Variants in ERC2 observed in about 807,000 individuals in gnomAD.
ERC2 encodes the protein ERC protein 2.
Under a neutral mutation model 114.8 loss-of-function variants are expected in ERC2, and 42 were observed. The ratio of observed to expected loss-of-function variants is 0.37; its 90% CI spans 0.29 to 0.47. The LOEUF is 0.47. ERC2 is among the 20% of genes least tolerant of loss of function. The pLI is 0.99. For missense variants in ERC2, 939 were observed against 1,150.7 expected, an observed-to-expected ratio of 0.82 and a Z score of 2.66; for synonymous variants, 454 against 425.5, an observed-to-expected ratio of 1.07 and a Z score of -0.82.
chr3:56,034,704 G>A (rs940907040), intron 7 of ERC2, among the ~76,000 whole-genome samples: 1 of 152,018 alleles, frequency 6.6e-6, no homozygotes, highest in Admixed American at 6.6e-5. Flanking sequence ...CAAATATGTG[G>A]AAATTACTCC....
intron 1 of ERC2, among the ~76,000 whole-genome samples, chr3:56,456,369 T>A (rs370741628): frequency 1.3e-5 from 2 of 152,348 alleles, no homozygotes; most frequent in East Asian, 1.9e-4. Flanking sequence ...GAAATCCAAT[T>A]TCTGTCTCTT....
At chr3:56,411,834 CA>C (rs2060952021) in intron 2 of ERC2, among the ~76,000 whole-genome samples, 1 of 152,092 alleles carries the variant, frequency 6.6e-6, no homozygotes, top group African/African-American at 2.4e-5. Flanking sequence ...CCAAACTGCC[CA>C]GGGGGCTTCA....
chr3:55,919,496 T>C (rs2065291044), intron 13 of ERC2, among the ~76,000 whole-genome samples: 2 of 152,138 alleles, frequency 1.3e-5, no homozygotes, highest in South Asian at 2.1e-4. Context: ...GAAATTAACA[T>C]GAATTGCCCA....
chr3:55,732,045 A>G (rs551592283), intron 15 of ERC2, among the ~76,000 whole-genome samples: 1 of 152,148 alleles, frequency 6.6e-6, no homozygotes, highest in African/African-American at 2.4e-5. Flanking sequence ...TAGACTATCT[A>G]AAGCCTGAAC....
At chr3:56,355,832 C>G (rs1323992037) in intron 2 of ERC2, among the ~76,000 whole-genome samples, 3 of 151,456 alleles carry the variant, frequency 2.0e-5, no homozygotes, top group African/African-American at 7.3e-5. Context: ...CCTTTGGGAC[C>G]TGCCTACACT....
chr3:55,698,457 A>G (rs187781313), intron 16 of ERC2, among the ~76,000 whole-genome samples: 22 of 151,950 alleles, frequency 1.4e-4, no homozygotes, highest in Middle Eastern at 3.4e-3. Context: ...CATCACAAGT[A>G]CCTCCTCCCC....
intron 6 of ERC2, among the ~76,000 whole-genome samples, chr3:56,085,826 T>C (rs1444455514): frequency 6.6e-6 from 1 of 152,176 alleles, no homozygotes; most frequent in South Asian, 2.1e-4. Flanking sequence ...GCACATGGGC[T>C]TACTAGGACT....
intron 10 of ERC2, among the ~76,000 whole-genome samples, chr3:56,005,455 T>G (rs1175560768): frequency 6.6e-6 from 1 of 152,064 alleles, no homozygotes; most frequent in Non-Finnish European, 1.5e-5. Flanking sequence ...GCATAAATGT[T>G]GATTTATTAA....
intron 10 of ERC2, among the ~76,000 whole-genome samples, chr3:56,006,712 G>A (rs913045890): frequency 6.6e-6 from 1 of 152,056 alleles, no homozygotes; most frequent in African/African-American, 2.4e-5. Flanking sequence ...CTACAGAGAT[G>A]GGACTTGACA....
At chr3:55,942,154 C>T (rs1198571521) in intron 13 of ERC2, among the ~76,000 whole-genome samples, 2 of 151,928 alleles carry the variant, frequency 1.3e-5, no homozygotes, top group East Asian at 1.9e-4. Context: ...CTGGTCTCCC[C>T]TCTGCCAATA....
At chr3:56,340,980 G>C (rs900560885) in intron 2 of ERC2, among the ~76,000 whole-genome samples, 1 of 152,096 alleles carries the variant, frequency 6.6e-6, no homozygotes, top group African/African-American at 2.4e-5. Flanking sequence ...CACTTCTTTG[G>C]GGGGGAAAAA....
At chr3:55,808,980 T>G (rs2059610792) in intron 14 of ERC2, among the ~76,000 whole-genome samples, 1 of 151,710 alleles carries the variant, frequency 6.6e-6, no homozygotes, top group South Asian at 2.1e-4. Context: ...AAAAATGGTA[T>G]GAACAAGTAA....
chr3:56,273,032 A>G (rs1345933967), intron 3 of ERC2, among the ~76,000 whole-genome samples: 1 of 152,074 alleles, frequency 6.6e-6, no homozygotes, highest in Non-Finnish European at 1.5e-5. Context: ...TCTTCAACCA[A>G]TCACAGCTGA....
At chr3:55,928,517 C>T (rs1280210569) in intron 13 of ERC2, among the ~76,000 whole-genome samples, 1 of 152,086 alleles carries the variant, frequency 6.6e-6, no homozygotes, top group African/African-American at 2.4e-5. Context: ...TTATCAATCC[C>T]TTTTCAGATG....
At position 56,262,064 on chromosome 3, in the gene ERC2, A is replaced by G. The variant is rs144712972; in HGVS notation, c.1074+33955T>C. Among the ~76,000 whole-genome samples the G allele has an allele frequency of 8.7e-3, 1,319 of 152,294 alleles. 15 individuals are homozygous for G. The highest frequency in any genetic ancestry group is 0.029 in the African/African-American group (1,204 of 41,556). ...CGATCTCATTCTTTTTCATGGCTGC[A>G]TAGTATTCCATGGTGTATATGCACC... On this transcript the variant is annotated intron_variant, in intron 3 of 17. Coordinates refer to ENST00000288221, the MANE Select transcript of ERC2 (RefSeq NM_015576.3).
intron 1 of ERC2, among the ~76,000 whole-genome samples, chr3:56,462,939 G>T (rs1233303070): frequency 1.3e-5 from 2 of 152,108 alleles, no homozygotes; most frequent in South Asian, 4.1e-4. Flanking sequence ...TGTAAGACAC[G>T]ATTTTGGCTG....
In ERC2 at chr3:55,950,644, A is replaced by T. The variant is rs114801970; in HGVS notation, c.2268-84T>A. 5.6e-4 allele frequency: 815 copies of T among 1,455,256 alleles called. 5 individuals are homozygous for T. In the African/African-American group the frequency reaches 0.01, roughly 18 times the overall value. 90.1% of individuals were successfully genotyped at this position (1,455,256 alleles called of 1,614,324 possible). A position where few individuals can be genotyped will look rare whatever the true frequency, so the allele number is the denominator to read the frequency against. The stretch of plus-strand genomic sequence containing the variant: ...CAAATAGATTCAGGAAGTACTAAGT[A>T]TAGGCTATCTGGATAAGGGCTTGGG... On this transcript the variant is annotated intron_variant, in intron 12 of 17. Coordinates refer to ENST00000288221, the MANE Select transcript of ERC2 (RefSeq NM_015576.3).
chr3:56,459,315 C>A (rs1051514851), intron 1 of ERC2, among the ~76,000 whole-genome samples: 5 of 152,206 alleles, frequency 3.3e-5, no homozygotes, highest in African/African-American at 1.2e-4. Context: ...TGAGCATATT[C>A]TTAAAGAACA....
chr3:55,694,085 A>C (rs1390047290), intron 16 of ERC2, among the ~76,000 whole-genome samples: 2 of 152,198 alleles, frequency 1.3e-5, no homozygotes, highest in Non-Finnish European at 1.5e-5. Flanking sequence ...GAAAGGGAAA[A>C]AGCACATTTG....
Sources: gnomAD v4.1 joint callset for allele counts (sites outside exome capture counted in the v4.1 genomes callset) on GRCh38, gnomAD v4.1.1 for gene constraint, MANE v1.5 for transcripts, NCBI Gene and HGNC (gene_info 2026-07-23, HGNC 2026-07-21) for gene names.